Variants in POU2F1 observed in about 807,000 individuals in gnomAD.
POU2F1 encodes POU domain, class 2, transcription factor 1.
POU2F1 carries 16 observed loss-of-function variants against 84.9 expected under a neutral mutation model. The observed-to-expected ratio is 0.19, with a 90% CI of 0.13 to 0.29. The LOEUF (loss-of-function observed/expected upper bound fraction) is 0.29, where lower values mean the gene tolerates loss of function less well. Among genes scored for constraint, POU2F1 ranks in the 10% least tolerant of loss-of-function variants. The pLI is 1.00. For synonymous variants in POU2F1, 368 were observed against 368.3 expected, an observed-to-expected ratio of 1.00 and a Z score of 0.01; for missense variants, 738 against 942.6, an observed-to-expected ratio of 0.78 and a Z score of 2.84.
chr1:167,380,498 C>T (rs1571406543), intron 7 of POU2F1: 2 of 152,180 alleles, frequency 1.3e-5, no homozygotes, highest in South Asian at 2.1e-4. Flanking sequence ...TGCAATCATT[C>T]GTTAGTCGTA....
chr1:167,359,949 A>AT (rs768036413), intron 2 of POU2F1, among the ~76,000 whole-genome samples: 11 of 148,852 alleles, frequency 7.4e-5, no homozygotes, highest in Non-Finnish European at 1.5e-4. Flanking sequence ...GATGTTGAGC[A>AT]TTTTTTCATG....
chr1:167,270,111 A>G (rs899777320), intron 1 of POU2F1, among the ~76,000 whole-genome samples: 1 of 152,282 alleles, frequency 6.6e-6, no homozygotes, highest in Non-Finnish European at 1.5e-5. Flanking sequence ...AAGGGATTAA[A>G]GAAGTAATTC....
intron 1 of POU2F1, among the ~76,000 whole-genome samples, chr1:167,242,257 G>A (rs185795633): frequency 6.6e-6 from 1 of 152,268 alleles, no homozygotes; most frequent in Admixed American, 6.5e-5. Flanking sequence ...GAGTTGTTCG[G>A]CCTGTTTAGT....
intron 1 of POU2F1, among the ~76,000 whole-genome samples, chr1:167,320,266 T>G (rs1656218210): frequency 6.6e-6 from 1 of 152,200 alleles, no homozygotes; most frequent in Non-Finnish European, 1.5e-5. Context: ...GCTACAAGTT[T>G]TGCTTTTTGA....
At chr1:167,390,517 G>T (rs1648323825) in intron 9 of POU2F1, among the ~76,000 whole-genome samples, 1 of 152,214 alleles carries the variant, frequency 6.6e-6, no homozygotes, top group South Asian at 2.1e-4. Flanking sequence ...GGGGGCAGTA[G>T]CTCTAATCTG....
At chr1:167,242,144 T>C (rs1231477445) in intron 1 of POU2F1, among the ~76,000 whole-genome samples, 1 of 152,230 alleles carries the variant, frequency 6.6e-6, no homozygotes, top group African/African-American at 2.4e-5. Flanking sequence ...TGCTGCTTGT[T>C]CATTTACACT....
At chr1:167,337,390 A>G (rs1474278186) in intron 2 of POU2F1, among the ~76,000 whole-genome samples, 1 of 152,110 alleles carries the variant, frequency 6.6e-6, no homozygotes, top group Non-Finnish European at 1.5e-5. Context: ...TAAGAAAGAC[A>G]TACCTTTGGA....
intron 1 of POU2F1, among the ~76,000 whole-genome samples, chr1:167,229,822 C>T (rs931653923): frequency 6.6e-6 from 1 of 152,154 alleles, no homozygotes; most frequent in Non-Finnish European, 1.5e-5. Flanking sequence ...GAGGAATGGA[C>T]ACTCCTAATA....
chr1:167,412,473 G>C (rs568710397), intron 14 of POU2F1, among the ~76,000 whole-genome samples, 169 bp downstream of exon 14: 5 of 152,156 alleles, frequency 3.3e-5, no homozygotes, highest in Non-Finnish European at 7.4e-5. Context: ...GATTATAGTT[G>C]AGTTTATGTT....
At chr1:167,246,494 AATT>A (rs923190060) in intron 1 of POU2F1, among the ~76,000 whole-genome samples, 5 of 152,166 alleles carry the variant, frequency 3.3e-5, no homozygotes, top group African/African-American at 4.8e-5. Context: ...TATTGAATGA[AATT>A]ATTATTATAA....
chr1:167,340,695 G>T (rs1461349738), intron 2 of POU2F1, among the ~76,000 whole-genome samples: 1 of 151,960 alleles, frequency 6.6e-6, no homozygotes, highest in Admixed American at 6.5e-5. Context: ...GCCTCCTGCT[G>T]GGATTATAGG....
rs1340207476 is a variant in POU2F1, at chr1:167,421,463, C to G, written c.*5653C>G. ...TTTTCTCAGAGCATCCAGTTTGTAC[C>G]CAGTTTTCTATATGGTTTGTGAACT... is the stretch of plus-strand genomic sequence containing the variant. On this transcript the variant is annotated 3_prime_UTR_variant, in exon 16 of 16. Transcript: ENST00000367866. 2.0e-5 allele frequency: 3 copies of G among 152,072 alleles called. No homozygotes were observed. Among genetic ancestry groups the G allele is most frequent in the Non-Finnish European group, 4.4e-5 (3 of 68,014 alleles). 9.4% of individuals were successfully genotyped at this position (152,072 alleles called of 1,614,324 possible). A position where few individuals can be genotyped will look rare whatever the true frequency, so the allele number is the denominator to read the frequency against.
chr1:167,356,887 A>T (rs1658975026), intron 2 of POU2F1, among the ~76,000 whole-genome samples: 1 of 152,194 alleles, frequency 6.6e-6, no homozygotes, highest in Non-Finnish European at 1.5e-5. Context: ...GGAGGTGAGC[A>T]GGCGCAGTGT....
chr1:167,381,235 A>G (rs1472738722), intron 7 of POU2F1, among the ~76,000 whole-genome samples: 1 of 152,124 alleles, frequency 6.6e-6, no homozygotes, highest in Non-Finnish European at 1.5e-5. Flanking sequence ...GGCGCATGCC[A>G]CCACGCCTGG....
intron 1 of POU2F1, among the ~76,000 whole-genome samples, chr1:167,226,558 A>G (rs552941713): frequency 6.6e-6 from 1 of 152,346 alleles, no homozygotes; most frequent in Non-Finnish European, 1.5e-5. Context: ...TTTCAGCAGT[A>G]ATAACAATGG....
chr1:167,222,532 G>A (rs755808111), intron 1 of POU2F1, among the ~76,000 whole-genome samples: 5 of 151,980 alleles, frequency 3.3e-5, no homozygotes, highest in Non-Finnish European at 7.4e-5. Context: ...AACCCAGGCC[G>A]TGCTGGGAAG....
chr1:167,289,569 G>A (rs763120721), intron 1 of POU2F1, among the ~76,000 whole-genome samples: 2 of 152,178 alleles, frequency 1.3e-5, no homozygotes, highest in Non-Finnish European at 2.9e-5. Context: ...GAGTGAGTTT[G>A]GTGTACATTT....
intron 1 of POU2F1, among the ~76,000 whole-genome samples, chr1:167,252,487 A>G (rs990052490): frequency 6.6e-6 from 1 of 152,226 alleles, no homozygotes; most frequent in African/African-American, 2.4e-5. Flanking sequence ...TACATGCGTG[A>G]GCCACCGCGC....
chr1:167,349,778 G>T (rs1658436899), intron 2 of POU2F1, among the ~76,000 whole-genome samples: 1 of 151,994 alleles, frequency 6.6e-6, no homozygotes, highest in Non-Finnish European at 1.5e-5. Flanking sequence ...GTTTTTGTTT[G>T]TTCCTAAATA....
Sources: allele counts gnomAD v4.1 joint callset (sites outside exome capture counted in the v4.1 genomes callset), GRCh38; gene constraint gnomAD v4.1.1; transcripts MANE v1.5; gene names NCBI Gene and HGNC (gene_info 2026-07-23, HGNC 2026-07-21).